SEPTIN9: variants seen among roughly 807,000 people sequenced by gnomAD.
SEPTIN9 encodes septin-9.
A neutral mutation model predicts 56.6 loss-of-function variants in SEPTIN9; 13 were observed. The ratio of observed to expected loss-of-function variants is 0.23; its 90% confidence interval spans 0.15 to 0.37. SEPTIN9 has a LOEUF of 0.37. SEPTIN9 is among the 10% of genes least tolerant of loss of function. The pLI, the probability that SEPTIN9 is intolerant of heterozygous loss-of-function variation, is 1.00. For synonymous variants in SEPTIN9, 332 were observed against 334.1 expected, an observed-to-expected ratio of 0.99 and a Z score of 0.07; for missense variants, 650 against 823.1, an observed-to-expected ratio of 0.79 and a Z score of 2.57.
rs1056328659 is a variant in SEPTIN9, at chr17:77,466,177, G to A, written c.722-15967G>A. On this transcript the variant is annotated intron_variant, in intron 3 of 11. Coordinates refer to ENST00000427177, the MANE Select transcript of SEPTIN9 (RefSeq NM_001113491.2). Reference sequence around the variant, plus strand: ...TAAACCACCACACAGCCTGTAAAGCGAAGGCCCTGGCCCGCATCTGGGCAC... The same window carrying A: ...TAAACCACCACACAGCCTGTAAAGCAAAGGCCCTGGCCCGCATCTGGGCAC... Among the ~76,000 whole-genome samples, 7 of 152,004 alleles carry A rather than the reference G, an allele frequency of 4.6e-5. No individual in the cohort carries two copies. The South Asian group carries it at 1.0e-3, about 22-fold the overall frequency.
intron 3 of SEPTIN9, among the ~76,000 whole-genome samples, chr17:77,430,828 T>C (rs1259498500): frequency 6.6e-6 from 1 of 151,836 alleles, no homozygotes; most frequent in Non-Finnish European, 1.5e-5. Context: ...CCATCTCTAC[T>C]GAAAATACAA....
At position 77,475,976 on chromosome 17, in the gene SEPTIN9, G is replaced by C. The variant is rs1451340060; in HGVS notation, c.722-6168G>C. ...TGGGTTGGGTTTGGGGAAGACAGGG[G>C]AATGGCATTGACTTGACCCTGAGCA... On this transcript the variant is annotated intron_variant, in intron 3 of 11. Transcript: ENST00000427177. This position sits in a 1 kb window ranked among gnomAD's most constrained non-coding sequence, Gnocchi z 4.6. 2 of 1,482,422 alleles carry C rather than the reference G, an allele frequency of 1.3e-6. No homozygotes were observed. The highest frequency in any genetic ancestry group is 1.8e-5 in the Admixed American group (1 of 56,160). 91.8% of individuals were successfully genotyped at this position (1,482,422 alleles called of 1,614,324 possible).
At chr17:77,439,484 C>G (rs1235118295) in intron 3 of SEPTIN9, among the ~76,000 whole-genome samples, 2 of 152,192 alleles carry the variant, frequency 1.3e-5, no homozygotes. Context: ...TCCGGCAGCC[C>G]AGGGGTCCTA....
chr17:77,443,813 AAAG>A (rs1383875088), intron 3 of SEPTIN9, among the ~76,000 whole-genome samples: 3 of 152,192 alleles, frequency 2.0e-5, no homozygotes, highest in Non-Finnish European at 2.9e-5. Context: ...AAAAGAAAAA[AAAG>A]AAAAAAAGTA....
chr17:77,452,759 A>G (rs2038033235), intron 3 of SEPTIN9, among the ~76,000 whole-genome samples: 1 of 151,672 alleles, frequency 6.6e-6, no homozygotes, highest in South Asian at 2.1e-4. Context: ...CCTTGCCTTG[A>G]AACTTAATGG....
chr17:77,294,794 A>C (rs2031729594), intron 1 of SEPTIN9: 1 of 152,290 alleles, frequency 6.6e-6, no homozygotes, highest in African/African-American at 2.4e-5. Flanking sequence ...GGACCCGTGC[A>C]TTTCAAATCT....
intron 2 of SEPTIN9, among the ~76,000 whole-genome samples, chr17:77,321,443 A>G (rs1232808730): frequency 2.0e-5 from 3 of 147,898 alleles, no homozygotes; most frequent in Admixed American, 6.8e-5. Flanking sequence ...TCTGTTGCCC[A>G]GGCTGGAGTG....
intron 3 of SEPTIN9, among the ~76,000 whole-genome samples, chr17:77,463,959 G>A: frequency 6.6e-6 from 1 of 152,300 alleles, no homozygotes; most frequent in South Asian, 2.1e-4. Flanking sequence ...TTCTTGATCA[G>A]TTGTTGGCTG....
intron 2 of SEPTIN9, among the ~76,000 whole-genome samples, chr17:77,372,933 G>A (rs2034767783): frequency 6.6e-6 from 1 of 152,190 alleles, no homozygotes; most frequent in African/African-American, 2.4e-5. Context: ...AACTTTGTTT[G>A]GCTGCCCAAA....
chr17:77,425,500 C>CT lies in SEPTIN9; in HGVS notation c.721+22798dup, dbSNP rs2036871502. On this transcript the variant is annotated intron_variant, in intron 3 of 11. Transcript: ENST00000427177. This position sits in a 1 kb window ranked among gnomAD's most constrained non-coding sequence, Gnocchi z 4.2. ...CCCTCTCTGGTCATGGGGACGCTGC[C>CT]TGGGGGGGGTTCCCTTACATGGAAG... is the stretch of plus-strand genomic sequence containing the variant. 6.6e-6 allele frequency among the ~76,000 whole-genome samples: 1 copy of CT among 151,996 alleles called. No individual in the cohort carries two copies. The highest frequency in any genetic ancestry group is 2.1e-4 in the South Asian group (1 of 4,730).
Position 77,459,643 on chromosome 17 carries a change from GC to G in SEPTIN9, c.722-22500del, listed in dbSNP as rs575653244. On this transcript the variant is annotated intron_variant, in intron 3 of 11. Transcript: ENST00000427177. ...TTGGCTTCTGGGGAGGCCCCAGGAA[GC>G]TTTTCCTCATGGTAGAAGGTGAAGG... is the stretch of plus-strand genomic sequence containing the variant. Among the ~76,000 whole-genome samples the G allele has an allele frequency of 4.8e-4, 73 of 152,280 alleles. 1 individual carries two copies. In the South Asian group the frequency reaches 0.014, roughly 30 times the overall value.
At chr17:77,285,425 T>C (rs1363781969) in intron 1 of SEPTIN9, among the ~76,000 whole-genome samples, 1 of 151,958 alleles carries the variant, frequency 6.6e-6, no homozygotes, top group East Asian at 1.9e-4. Context: ...TGAGATGGAG[T>C]CTTGCTCTGT....
Position 77,475,558 on chromosome 17 carries a change from G to C in SEPTIN9, c.722-6586G>C. The C allele has an allele frequency of 6.2e-7, 1 of 1,613,212 alleles. No homozygotes were observed. The highest frequency in any genetic ancestry group is 1.7e-5 in the Admixed American group (1 of 59,996). On this transcript the variant is annotated intron_variant, in intron 3 of 11. Transcript: ENST00000427177. This position sits in a 1 kb window ranked among gnomAD's most constrained non-coding sequence, Gnocchi z 4.6. ...CTGGGAAGGCCTGCAGGTGGCCGTA[G>C]GGCTGCCGCAGGGGTGCTGGCCCCA...
At chr17:77,354,019 G>A (rs1260350350) in intron 2 of SEPTIN9, among the ~76,000 whole-genome samples, 1 of 152,176 alleles carries the variant, frequency 6.6e-6, no homozygotes, top group East Asian at 1.9e-4. Flanking sequence ...CTCCAGCCTC[G>A]GCAGTCCCTC....
intron 4 of SEPTIN9, chr17:77,483,396 C>T (rs1568109634): frequency 6.6e-6 from 1 of 152,604 alleles, no homozygotes; most frequent in African/African-American, 2.4e-5. Flanking sequence ...AGCTGGCAGC[C>T]TGCTTCAAGG....
chr17:77,302,079 CAAT>C (rs1189020204), intron 1 of SEPTIN9, among the ~76,000 whole-genome samples: 3 of 152,334 alleles, frequency 2.0e-5, no homozygotes, highest in South Asian at 2.1e-4. Flanking sequence ...AAAGTAACAA[CAAT>C]GATACATCAA....
At chr17:77,300,072 A>C (rs2031970776) in intron 1 of SEPTIN9, among the ~76,000 whole-genome samples, 1 of 152,212 alleles carries the variant, frequency 6.6e-6, no homozygotes, top group African/African-American at 2.4e-5. Context: ...AGGATGGCTG[A>C]GACCCCTGAC....
chr17:77,343,888 A>AAGGAGTATAGG (rs1362046635), intron 2 of SEPTIN9, among the ~76,000 whole-genome samples: 47 of 152,342 alleles, frequency 3.1e-4, no homozygotes, highest in African/African-American at 1.1e-3. Context: ...AGAGGACTCT[A>AAGGAGTATAGG]AGGAGTATAG....
At position 77,309,263 on chromosome 17, in the gene SEPTIN9, C is replaced by T. The variant is rs1346388234; in HGVS notation, c.76+2066C>T. On this transcript the variant is annotated intron_variant, in intron 2 of 11. Transcript: ENST00000427177. ...CTGTGCTGTCAGCACTTGGCAGCCA[C>T]GATCACAGCTCAGCTTGGAAGCCTA... Among the ~76,000 whole-genome samples the T allele has an allele frequency of 3.3e-5, 5 of 152,246 alleles. No individual in the cohort carries two copies. In the South Asian group the frequency reaches 6.2e-4, roughly 19 times the overall value.
Sources: gnomAD v4.1 joint callset for allele counts (sites outside exome capture counted in the v4.1 genomes callset) on GRCh38, gnomAD v4.1.1 for gene constraint, Gnocchi (gnomAD v3.1) non-coding constraint, MANE v1.5 for transcripts, NCBI Gene and HGNC (gene_info 2026-07-23, HGNC 2026-07-21) for gene names.